Variants in ABCC11 observed in about 807,000 individuals in gnomAD.
ABCC11 encodes the protein ATP-binding cassette sub-family C member 11.
Under a neutral mutation model 149.3 loss-of-function variants are expected in ABCC11, and 135 were observed. That is an observed-to-expected ratio of 0.90 (90% CI 0.79 to 1.04). The LOEUF (loss-of-function observed/expected upper bound fraction) is 1.04. Ranked by LOEUF, ABCC11 falls within the 50% of genes least tolerant of loss-of-function variation. The probability of loss-of-function intolerance (pLI) is 0.00; values close to 1 mark genes in which losing one functional copy is unlikely to be tolerated. For synonymous variants in ABCC11, 665 were observed against 671.4 expected, an observed-to-expected ratio of 0.99 and a Z score of 0.15; for missense variants, 1,680 against 1,722.1, an observed-to-expected ratio of 0.98 and a Z score of 0.43.
intron 4 of ABCC11, 45 bp downstream of exon 4, chr16:48,227,761 G>A: frequency 6.2e-7 from 1 of 1,608,986 alleles, no homozygotes; most frequent in Non-Finnish European, 8.5e-7. Context: ...CCCACCAAGA[G>A]ATTGTCTTTT....
intron 4 of ABCC11, among the ~76,000 whole-genome samples, chr16:48,227,418 C>G (rs113647089): frequency 0.13 from 19,565 of 148,182 alleles, 1,577 homozygotes; most frequent in African/African-American, 0.24. Flanking sequence ...AGGTTGCAGT[C>G]AGCCGAGATT....
chr16:48,229,029 G>C (rs1970262118), intron 3 of ABCC11, among the ~76,000 whole-genome samples: 1 of 152,062 alleles, frequency 6.6e-6, no homozygotes, highest in Non-Finnish European at 1.5e-5. Flanking sequence ...TTCTTTTGGG[G>C]GGTAGGGGAG....
intron 23 of ABCC11, 139 bp from the exon 24 acceptor site, chr16:48,178,825 C>CAG: frequency 2.7e-6 from 2 of 741,394 alleles, no homozygotes; most frequent in Non-Finnish European, 4.4e-6. Flanking sequence ...AAGAATGGAG[C>CAG]AGAGGCCCCT....
intron 3 of ABCC11, among the ~76,000 whole-genome samples, 172 bp downstream of exon 3, chr16:48,230,265 T>A (rs1340174847): frequency 6.6e-6 from 1 of 152,218 alleles, no homozygotes; most frequent in Non-Finnish European, 1.5e-5. Context: ...GAATAAATAA[T>A]GAATGAATGG....
At chr16:48,243,694 A>G (rs1971140167) in intron 1 of ABCC11, among the ~76,000 whole-genome samples, 1 of 152,334 alleles carries the variant, frequency 6.6e-6, no homozygotes, top group Non-Finnish European at 1.5e-5. Flanking sequence ...AGTTTTGTAC[A>G]TCTAAAATCA....
At chr16:48,230,753 G>A (rs377730469) in intron 2 of ABCC11, among the ~76,000 whole-genome samples, 180 bp from the exon 3 acceptor site, 8 of 151,618 alleles carry the variant, frequency 5.3e-5, no homozygotes, top group African/African-American at 4.8e-5. Flanking sequence ...CCCAGCACTC[G>A]CTCTGACCCA....
chr16:48,208,462 C>A lies in ABCC11; in HGVS notation c.1643G>T (p.Ser548Ile). 1 of 1,614,178 alleles carries A rather than the reference C, an allele frequency of 6.2e-7. No individual in the cohort carries two copies. The highest frequency in any genetic ancestry group is 1.3e-5 in the African/African-American group (1 of 75,048). ...MMLGVCGNTG[S>I]GKSSLLSAIL... ...GGCTGACAACAGGCTGCTCTTACCA[C>A]TCCCCGTGTTGCCGCAGACCCCTAA... Residue 548 changes from serine (S) to isoleucine (I), a missense_variant, in exon 12 of 30, where the codon AGT becomes ATT. Ser to Ile is a moderately radical substitution (Grantham distance 142, BLOSUM62 -2). Transcript: ENST00000356608.
At chr16:48,180,309 G>A (rs1325433510) in intron 23 of ABCC11, among the ~76,000 whole-genome samples, 6 of 152,222 alleles carry the variant, frequency 3.9e-5, no homozygotes, top group East Asian at 1.9e-4. Flanking sequence ...GCCTTTGACT[G>A]TTATTGTGGG....
At chr16:48,176,710 G>C (rs772817819) in intron 25 of ABCC11, among the ~76,000 whole-genome samples, 1 of 152,140 alleles carries the variant, frequency 6.6e-6, no homozygotes. Flanking sequence ...TTTATTTGCT[G>C]GTCTATTTAA....
chr16:48,227,763 T>C (rs1596834811), intron 4 of ABCC11, 43 bp downstream of exon 4: 2 of 1,611,420 alleles, frequency 1.2e-6, no homozygotes, highest in African/African-American at 1.3e-5. Flanking sequence ...CACCAAGAGA[T>C]TGTCTTTTAA....
intron 26 of ABCC11, among the ~76,000 whole-genome samples, chr16:48,171,415 G>A (rs1965714436): frequency 6.6e-6 from 1 of 152,194 alleles, no homozygotes. Context: ...GCCCCCCAGG[G>A]CCCTCATGTG....
Position 48,213,058 on chromosome 16 carries a change from C to T in ABCC11, c.1356+385G>A, listed in dbSNP as rs565903831. Reference sequence around the variant, plus strand: ...ATGTGGTCCAGGGTCACTAGACCTTCTAATCATTCAAGAGAATTCAAAAAT... The same window carrying T: ...ATGTGGTCCAGGGTCACTAGACCTTTTAATCATTCAAGAGAATTCAAAAAT... On this transcript the variant is annotated intron_variant, in intron 10 of 29. Coordinates refer to ENST00000356608, the MANE Select transcript of ABCC11 (RefSeq NM_001370497.1). Among the ~76,000 whole-genome samples, 84 of 152,320 alleles carry T rather than the reference C, an allele frequency of 5.5e-4. No individual in the cohort carries two copies. The East Asian group carries it at 8.5e-3, about 15-fold the overall frequency.
At chr16:48,192,029 T>C (rs1444930241) in intron 20 of ABCC11, among the ~76,000 whole-genome samples, 1 of 152,106 alleles carries the variant, frequency 6.6e-6, no homozygotes, top group East Asian at 1.9e-4. Flanking sequence ...ACACCTGTAA[T>C]TCTAGCTACT....
chr16:48,172,685 A>G (rs905361744), intron 26 of ABCC11, among the ~76,000 whole-genome samples: 6 of 151,996 alleles, frequency 3.9e-5, no homozygotes, highest in Admixed American at 6.6e-5. Flanking sequence ...GAGAGTTTCA[A>G]TTTTTTCACA....
chr16:48,175,515 G>T (rs963414629), intron 25 of ABCC11, 98 bp from the exon 26 acceptor site: 2 of 1,386,060 alleles, frequency 1.4e-6, no homozygotes, highest in Non-Finnish European at 1.9e-6. Context: ...GCTGCCCTCC[G>T]TGGCCCATTC....
In ABCC11 at chr16:48,170,840, C is replaced by CA. The variant is rs748352307; in HGVS notation, c.3777+48dup. 9.8e-6 allele frequency: 15 copies of CA among 1,535,094 alleles called. No homozygotes were observed. The South Asian group carries it at 1.6e-4, about 16-fold the overall frequency. ...GAGGAGCCCCAAAGGGGCAGCCCCC[C>CA]ATGGGCGATGCAGACTTAGACCAAG... is the stretch of plus-strand genomic sequence containing the variant. On this transcript the variant is annotated intron_variant, in intron 27 of 29. Transcript: ENST00000356608.
intron 27 of ABCC11, among the ~76,000 whole-genome samples, chr16:48,170,606 G>A (rs1398395705): frequency 6.6e-6 from 1 of 152,152 alleles, no homozygotes; most frequent in Non-Finnish European, 1.5e-5. Context: ...GCATTTACTT[G>A]TTGCCTTTAT....
chr16:48,201,869 G>A (rs1230733802), intron 14 of ABCC11, among the ~76,000 whole-genome samples: 3 of 152,194 alleles, frequency 2.0e-5, no homozygotes, highest in Non-Finnish European at 4.4e-5. Flanking sequence ...ATCCCTCCTT[G>A]AGGCTCTGAG....
At chr16:48,244,588 C>A in intron 1 of ABCC11, 7 of 1,493,630 alleles carry the variant, frequency 4.7e-6, no homozygotes, top group Non-Finnish European at 6.2e-6. Context: ...CCTGACCCCG[C>A]CAGCGACGCG....
Sources: gnomAD v4.1 joint callset for allele counts (sites outside exome capture counted in the v4.1 genomes callset) on GRCh38, gnomAD v4.1.1 for gene constraint, MANE v1.5 for transcripts, NCBI Gene and HGNC (gene_info 2026-07-23, HGNC 2026-07-21) for gene names.